Variants in CHRNB3 observed in about 807,000 individuals in gnomAD.
The protein encoded by CHRNB3 is cholinergic receptor nicotinic beta 3 subunit, also known as neuronal acetylcholine receptor subunit beta-3.
CHRNB3 carries 37 observed loss-of-function variants against 40.6 expected under a neutral mutation model. The observed-to-expected ratio is 0.91, with a 90% confidence interval of 0.70 to 1.20. The LOEUF is 1.20. Ranked by LOEUF, CHRNB3 falls within the 50% of genes most tolerant of loss-of-function variation. The pLI, the probability that CHRNB3 is intolerant of heterozygous loss-of-function variation, is 0.00. For missense variants in CHRNB3, 505 were observed against 551.2 expected, an observed-to-expected ratio of 0.92 and a Z score of 0.84; for synonymous variants, 207 against 207.1, an observed-to-expected ratio of 1.00 and a Z score of 0.00.
At position 42,705,746 on chromosome 8, in the gene CHRNB3, G is replaced by A. The variant is rs536835023; in HGVS notation, c.53-2971G>A. On this transcript the variant is annotated intron_variant, in intron 1 of 5. Transcript: ENST00000289957. The stretch of plus-strand genomic sequence containing the variant: ...TTAGAGGAGGGGGCTGCCTGACCTG[G>A]GGATAGATGGAGGAGGACAGCTGTG... 2.6e-5 allele frequency: 4 copies of A among 152,452 alleles called. No homozygotes were observed. In the East Asian group the frequency reaches 7.7e-4, roughly 29 times the overall value. 9.4% of individuals were successfully genotyped at this position (152,452 alleles called of 1,614,324 possible). A position where few individuals can be genotyped will look rare whatever the true frequency, so the allele number is the denominator to read the frequency against.
In CHRNB3 at chr8:42,732,186, T is replaced by G; in HGVS notation, c.879T>G (p.Ile293Met). 1 of 1,609,548 alleles carries G rather than the reference T, an allele frequency of 6.2e-7. No individual in the cohort carries two copies. Among genetic ancestry groups the G allele is most frequent in the Non-Finnish European group, 8.5e-7 (1 of 1,178,454 alleles). The change falls in exon 5 of 6, where the codon ATT becomes ATG. Residue 293 changes from isoleucine to methionine, a missense_variant. Transcript: ENST00000289957. ...EEIIPSSSKV[I>M]PLIGEYLLFI... ...TCATCCCATCGTCTTCCAAAGTCAT[T>G]CCTCTCATTGGAGAGTACCTGCTGT...
At chr8:42,717,944 C>T (rs1167831339) in intron 3 of CHRNB3, among the ~76,000 whole-genome samples, 1 of 151,386 alleles carries the variant, frequency 6.6e-6, no homozygotes, top group African/African-American at 2.4e-5. Flanking sequence ...GTGATTCTCC[C>T]ACCTCATCCT....
chr8:42,720,814 C>T (rs1203900932), intron 3 of CHRNB3, among the ~76,000 whole-genome samples: 4 of 152,222 alleles, frequency 2.6e-5, no homozygotes, highest in African/African-American at 7.2e-5. Flanking sequence ...ATTTATAAAG[C>T]TGGTATTTGT....
Position 42,730,501 on chromosome 8 carries a change from A to G in CHRNB3, c.250-93A>G. 3 of 752,352 alleles carry G rather than the reference A, an allele frequency of 4.0e-6. No individual in the cohort carries two copies. The South Asian group carries it at 6.8e-5, about 17-fold the overall frequency. The allele number at this position is 752,352 out of a possible 1,614,324, so 46.6% of individuals were successfully genotyped here. A position where few individuals can be genotyped will look rare whatever the true frequency, so the allele number is the denominator to read the frequency against. On this transcript the variant is annotated intron_variant, in intron 3 of 5. Coordinates refer to ENST00000289957, the MANE Select transcript of CHRNB3 (RefSeq NM_000749.5). ...GACAATTTCCTTTTCTTAATAAAAC[A>G]GTGGCTTGGTAAAGCTAACAGAAAC...
chr8:42,734,116 C>T (rs1159422836), intron 5 of CHRNB3, among the ~76,000 whole-genome samples: 2 of 149,762 alleles, frequency 1.3e-5, no homozygotes, highest in South Asian at 2.1e-4. Context: ...ATTAGCCAGG[C>T]GTGGTGGTGG....
chr8:42,699,938 T>C (rs946747566), intron 1 of CHRNB3, among the ~76,000 whole-genome samples: 1 of 145,950 alleles, frequency 6.9e-6, no homozygotes, highest in Non-Finnish European at 1.5e-5. Flanking sequence ...AAACAAAATA[T>C]ACCAAAAGGC....
intron 3 of CHRNB3, among the ~76,000 whole-genome samples, chr8:42,728,687 G>T (rs190176817): frequency 2.0e-5 from 3 of 152,230 alleles, no homozygotes; most frequent in African/African-American, 7.2e-5. Flanking sequence ...ATTTCCAAGG[G>T]CTGGAAATGC....
rs146756174 is a variant in CHRNB3, at chr8:42,732,010, T to C, written c.703T>C (p.Phe235Leu). 6.2e-7 allele frequency: 1 copy of C among 1,613,982 alleles called. No individual in the cohort carries two copies. The highest frequency in any genetic ancestry group is 8.5e-7 in the Non-Finnish European group (1 of 1,180,036). ...CTTCGTCCTGAGACGCCTGCCTTTA[T>C]TCTATACCCTCTTTCTCATCATCCC... ...YSFVLRRLPL[F>L]YTLFLIIPCL... The change falls in exon 5 of 6, where the codon TTC becomes CTC. Residue 235 changes from phenylalanine (F) to leucine (L), a missense_variant. Transcript: ENST00000289957.
intron 1 of CHRNB3, chr8:42,704,576 C>G (rs1815887754): frequency 1.3e-5 from 2 of 152,160 alleles, no homozygotes; most frequent in African/African-American, 4.8e-5. Context: ...GACAGTTTTT[C>G]TTTTGGGAAA....
chr8:42,733,592 C>CT (rs1208342996), intron 5 of CHRNB3, among the ~76,000 whole-genome samples: 2,285 of 101,020 alleles, frequency 0.023, 60 homozygotes, highest in African/African-American at 0.062. Context: ...CATCCTTCTT[C>CT]TTTTTTTTTT....
intron 3 of CHRNB3, among the ~76,000 whole-genome samples, chr8:42,716,194 C>T (rs1379719974): frequency 6.6e-6 from 1 of 152,036 alleles, no homozygotes; most frequent in Non-Finnish European, 1.5e-5. Context: ...CCAGGCTGGC[C>T]TCGAACTCCT....
chr8:42,735,451 C>A (rs1816506791), intron 5 of CHRNB3, among the ~76,000 whole-genome samples: 1 of 151,902 alleles, frequency 6.6e-6, no homozygotes, highest in African/African-American at 2.4e-5. Flanking sequence ...GGCAGGAGAA[C>A]CACTTAAACC....
chr8:42,715,956 A>G (rs1816092409), intron 3 of CHRNB3, among the ~76,000 whole-genome samples: 1 of 151,170 alleles, frequency 6.6e-6, no homozygotes, highest in South Asian at 2.1e-4. Flanking sequence ...CACCTTAGAG[A>G]CAATGAAAAT....
chr8:42,697,538 G>A lies in CHRNB3; in HGVS notation c.-9G>A. On this transcript the variant is annotated 5_prime_UTR_variant, in exon 1 of 6. Coordinates refer to ENST00000289957, the MANE Select transcript of CHRNB3 (RefSeq NM_000749.5). ...AGGAAGAAACTGTCTTTCTGAAACT[G>A]ACATCACGATGCTCCCAGATTTTAT... 1 of 1,611,790 alleles carries A rather than the reference G, an allele frequency of 6.2e-7. No homozygotes were observed. Among genetic ancestry groups the A allele is most frequent in the Non-Finnish European group, 8.5e-7 (1 of 1,178,022 alleles).
At position 42,697,613 on chromosome 8, in the gene CHRNB3, C is replaced by A; in HGVS notation, c.52+15C>A. ...CCCTTCCTCAGGTAAGCACAAGTCA[C>A]AGTAAATTAAAACTACAGTTGCAGA... On this transcript the variant is annotated intron_variant, in intron 1 of 5. Transcript: ENST00000289957. The A allele has an allele frequency of 6.2e-7, 1 of 1,605,018 alleles. No homozygotes were observed. Among genetic ancestry groups the A allele is most frequent in the East Asian group, 2.2e-5 (1 of 44,798 alleles).
chr8:42,699,663 G>A (rs1387269472), intron 1 of CHRNB3: 1 of 152,072 alleles, frequency 6.6e-6, no homozygotes, highest in Non-Finnish European at 1.5e-5. Context: ...GGGAGACTGA[G>A]GCAGAAGAAT....
At position 42,720,111 on chromosome 8, in the gene CHRNB3, C is replaced by CTTTTTTTTT. The variant is rs869178430; in HGVS notation, c.249+9703_249+9711dup. ...CAACCCTGCCCCACTCAGAAGCCTT[C>CTTTTTTTTT]TTTTTTTTTTTTTTTTTTTTTTTTT... On this transcript the variant is annotated intron_variant, in intron 3 of 5. Coordinates refer to ENST00000289957, the MANE Select transcript of CHRNB3 (RefSeq NM_000749.5). 7.8e-4 allele frequency among the ~76,000 whole-genome samples: 38 copies of CTTTTTTTTT among 48,808 alleles called. 5 individuals carry two copies. Among genetic ancestry groups the CTTTTTTTTT allele is most frequent in the African/African-American group, 1.8e-3 (20 of 11,218 alleles). The allele number at this position is 48,808 out of a possible 152,430, so 32.0% of individuals were successfully genotyped here.
chr8:42,713,117 A>AG, intron 3 of CHRNB3, among the ~76,000 whole-genome samples: 1 of 152,198 alleles, frequency 6.6e-6, no homozygotes, highest in East Asian at 1.9e-4. Context: ...CTGGGATTAC[A>AG]GGCATGAGCC....
At chr8:42,697,911 C>CA (rs1224063929) in intron 1 of CHRNB3, among the ~76,000 whole-genome samples, 1 of 152,120 alleles carries the variant, frequency 6.6e-6, no homozygotes, top group Non-Finnish European at 1.5e-5. Context: ...GAGCATTACT[C>CA]AGAGAATTGT....
Sources: allele counts gnomAD v4.1 joint callset (sites outside exome capture counted in the v4.1 genomes callset), GRCh38; gene constraint gnomAD v4.1.1; transcripts MANE v1.5; gene names NCBI Gene and HGNC (gene_info 2026-07-23, HGNC 2026-07-21).